Variants in EDN1 observed in about 807,000 individuals in gnomAD.
The protein encoded by EDN1 is endothelin-1.
EDN1 carries 11 observed loss-of-function variants against 21.7 expected under a neutral mutation model. That is an observed-to-expected ratio of 0.51 (90% CI 0.32 to 0.84). EDN1 has a LOEUF of 0.84. EDN1 is among the 40% of genes least tolerant of loss of function. The pLI, the probability that EDN1 is intolerant of heterozygous loss-of-function variation, is 0.03. For synonymous variants in EDN1, 85 were observed against 90.6 expected (o/e 0.94, Z 0.35); for missense variants, 244 against 262.3 (o/e 0.93, Z 0.48).
chr6:12,269,674 T>C, the EDN1 span, among the ~76,000 whole-genome samples: 1 of 152,074 alleles, frequency 6.6e-6, no homozygotes, highest in African/African-American at 2.4e-5. Context: ...TCATGATAAG[T>C]GATCTTTTTA....
chr6:12,284,675 A>G, the EDN1 span, among the ~76,000 whole-genome samples: 54 of 150,580 alleles, frequency 3.6e-4, no homozygotes, highest in African/African-American at 1.2e-3. Context: ...AGAGAGAAAG[A>G]AAGAAAGAAA....
At chr6:12,286,535 T>G (rs1762560725), upstream of EDN1, among the ~76,000 whole-genome samples, 1 of 152,194 alleles carries the variant, frequency 6.6e-6, no homozygotes, top group African/African-American at 2.4e-5. Context: ...ACTTCCTCAT[T>G]CTTTGTGTGA....
chr6:12,251,400 C>T, the EDN1 span, among the ~76,000 whole-genome samples: 56 of 152,304 alleles, frequency 3.7e-4, no homozygotes, highest in African/African-American at 1.3e-3. Context: ...TCTCATCAAA[C>T]TTGAGGTGTC....
At chr6:12,241,145 T>G in the EDN1 span, among the ~76,000 whole-genome samples, 1 of 150,978 alleles carries the variant, frequency 6.6e-6, no homozygotes, top group Admixed American at 6.7e-5. Context: ...ATGCACTTTT[T>G]TTTCTTTTCT....
At chr6:12,238,311 C>T in the EDN1 span, among the ~76,000 whole-genome samples, 3 of 152,070 alleles carry the variant, frequency 2.0e-5, no homozygotes, top group Non-Finnish European at 2.9e-5. Flanking sequence ...TGTGATAGCA[C>T]ATTTGTGCCA....
chr6:12,272,567 C>T, the EDN1 span, among the ~76,000 whole-genome samples: 591 of 149,864 alleles, frequency 3.9e-3, 7 homozygotes, highest in African/African-American at 0.013. Flanking sequence ...AAGCAATTCT[C>T]CTACCTCAGC....
upstream of EDN1, among the ~76,000 whole-genome samples, chr6:12,289,113 G>A (rs1762614424): frequency 6.6e-6 from 1 of 152,220 alleles, no homozygotes; most frequent in Non-Finnish European, 1.5e-5. Context: ...CACCTGTACA[G>A]TAACTGCCCT....
chr6:12,252,207 G>T, the EDN1 span, among the ~76,000 whole-genome samples: 1 of 152,156 alleles, frequency 6.6e-6, no homozygotes, highest in Non-Finnish European at 1.5e-5. Flanking sequence ...ACTAAAATCT[G>T]GGTCTAATGT....
At chr6:12,290,738 T>C (rs1762656000) in intron 1 of EDN1, 45 bp downstream of exon 1, 1 of 1,518,842 alleles carries the variant, frequency 6.6e-7, no homozygotes, top group Non-Finnish European at 9.1e-7. Flanking sequence ...TACAAGTTAG[T>C]GTGTTCTTAT....
In EDN1 at chr6:12,296,160, G is replaced by A; in HGVS notation, c.*93G>A. ...CACCCTGGCTGGGATCAGAGCAGGA[G>A]CATCCTCTGCTGGTTCCTGACTGGC... On this transcript the variant is annotated 3_prime_UTR_variant, in exon 5 of 5. Transcript: ENST00000379375. The A allele has an allele frequency of 1.8e-6, 2 of 1,121,120 alleles. No individual in the cohort carries two copies. The highest frequency in any genetic ancestry group is 2.5e-5 in the South Asian group (2 of 80,782). The allele number at this position is 1,121,120 out of a possible 1,614,324, so 69.4% of individuals were successfully genotyped here. A position where few individuals can be genotyped will look rare whatever the true frequency, so the allele number is the denominator to read the frequency against.
rs1762824743 is a variant in EDN1, at chr6:12,296,319, A to C, written c.*252A>C. On this transcript the variant is annotated 3_prime_UTR_variant, in exon 5 of 5. Coordinates refer to ENST00000379375, the MANE Select transcript of EDN1 (RefSeq NM_001955.5). ...TGGGGATGACAATGGACCTCTCAGC[A>C]GAAACACACAGTCACATTCGAATTC... 4.4e-6 allele frequency: 2 copies of C among 456,114 alleles called. No individual in the cohort carries two copies. Among genetic ancestry groups the C allele is most frequent in the South Asian group, 4.3e-5 (2 of 46,610 alleles). The allele number at this position is 456,114 out of a possible 1,614,324, so 28.3% of individuals were successfully genotyped here. A position where few individuals can be genotyped will look rare whatever the true frequency, so the allele number is the denominator to read the frequency against.
At chr6:12,237,053 C>T in the EDN1 span, among the ~76,000 whole-genome samples, 1 of 148,834 alleles carries the variant, frequency 6.7e-6, no homozygotes, top group South Asian at 2.1e-4. Flanking sequence ...TCAATTCCCT[C>T]CTATAAGTGA....
upstream of EDN1, among the ~76,000 whole-genome samples, chr6:12,289,197 A>G (rs984440318): frequency 6.6e-6 from 1 of 152,186 alleles, no homozygotes; most frequent in African/African-American, 2.4e-5. Flanking sequence ...ACATTATTAA[A>G]TGTGAAGTAT....
At chr6:12,275,884 C>T in the EDN1 span, among the ~76,000 whole-genome samples, 186 of 151,846 alleles carry the variant, frequency 1.2e-3, no homozygotes, top group South Asian at 2.7e-3. Flanking sequence ...AGAATCGTGC[C>T]GGGCATGGTG....
the EDN1 span, among the ~76,000 whole-genome samples, chr6:12,258,471 A>AAAAAAAAAAAAAC: frequency 6.7e-6 from 1 of 150,220 alleles, no homozygotes; most frequent in Non-Finnish European, 1.5e-5. Flanking sequence ...AAAAAAAAAA[A>AAAAAAAAAAAAAC]GCCAATTACA....
At chr6:12,231,497 T>G in the EDN1 span, among the ~76,000 whole-genome samples, 2 of 152,340 alleles carry the variant, frequency 1.3e-5, no homozygotes, top group Admixed American at 6.5e-5. Context: ...AACATTATTT[T>G]TTTCTTCTAC....
At chr6:12,246,917 T>A in the EDN1 span, among the ~76,000 whole-genome samples, 1 of 152,230 alleles carries the variant, frequency 6.6e-6, no homozygotes, top group Non-Finnish European at 1.5e-5. Context: ...TCAATTGTTA[T>A]TATGTAGCAC....
the EDN1 span, among the ~76,000 whole-genome samples, chr6:12,239,948 G>A: frequency 2.0e-5 from 3 of 152,136 alleles, no homozygotes; most frequent in Non-Finnish European, 2.9e-5. Context: ...AAATAGAATA[G>A]CATGATAAAA....
rs1286352964 is a variant in EDN1, at chr6:12,292,247, T to C, written c.65-94T>C. On this transcript the variant is annotated intron_variant, in intron 1 of 4. Coordinates refer to ENST00000379375, the MANE Select transcript of EDN1 (RefSeq NM_001955.5). ...GCAGGCTGTGTGCTTCATCTGCTTT[T>C]ATCTGCTCTGCTAGCTCTGACTCTA... 1.9e-6 allele frequency: 3 copies of C among 1,563,266 alleles called. No individual in the cohort carries two copies. The Admixed American group carries it at 5.0e-5, about 26-fold the overall frequency.
Sources: gnomAD v4.1 joint callset for allele counts (sites outside exome capture counted in the v4.1 genomes callset) on GRCh38, gnomAD v4.1.1 for gene constraint, MANE v1.5 for transcripts, NCBI Gene and HGNC (gene_info 2026-07-23, HGNC 2026-07-21) for gene names.